Variants in CPT1A observed in about 807,000 individuals in gnomAD.
CPT1A encodes carnitine palmitoyltransferase 1A.
In CPT1A, 64 loss-of-function variants were observed where a neutral mutation model predicts 100.8. The observed-to-expected ratio is 0.63, with a 90% confidence interval of 0.52 to 0.78. The LOEUF is 0.78. Ranked by LOEUF, CPT1A falls within the 30% of genes least tolerant of loss-of-function variation. CPT1A has a pLI of 0.00. For synonymous variants in CPT1A, 363 were observed against 396.0 expected (o/e 0.92, Z 0.99); for missense variants, 802 against 1,034.1 (o/e 0.78, Z 3.08).
At chr11:68,835,537 C>CCTGT (rs1223260461) in intron 1 of CPT1A, among the ~76,000 whole-genome samples, 3 of 152,224 alleles carry the variant, frequency 2.0e-5, no homozygotes, top group African/African-American at 7.2e-5. Context: ...TTTGCTAGAG[C>CCTGT]CTGTATTTAC....
At chr11:68,793,645 T>C (rs1855680165) in intron 8 of CPT1A, among the ~76,000 whole-genome samples, 1 of 150,986 alleles carries the variant, frequency 6.6e-6, no homozygotes, top group Admixed American at 6.6e-5. Context: ...ACTTGGGAGG[T>C]TGAGGCAGGA....
intron 1 of CPT1A, among the ~76,000 whole-genome samples, chr11:68,819,006 G>A (rs999993107): frequency 1.3e-5 from 2 of 152,162 alleles, no homozygotes; most frequent in African/African-American, 4.8e-5. Context: ...GTTGAAGAGG[G>A]CATCAAAGCA....
intron 7 of CPT1A, among the ~76,000 whole-genome samples, chr11:68,795,419 G>T (rs537472884): frequency 3.3e-4 from 51 of 152,318 alleles, no homozygotes; most frequent in African/African-American, 1.1e-3. Flanking sequence ...GATGTAGAAA[G>T]TGCCTCTGTT....
chr11:68,788,072 T>C (rs1566359637), intron 9 of CPT1A, among the ~76,000 whole-genome samples: 2 of 152,040 alleles, frequency 1.3e-5, no homozygotes, highest in African/African-American at 4.8e-5. Flanking sequence ...AACACCTTGA[T>C]GTTGGAGTTC....
upstream of CPT1A, among the ~76,000 whole-genome samples, chr11:68,842,248 A>G (rs546398387): frequency 4.6e-5 from 7 of 151,958 alleles, no homozygotes; most frequent in South Asian, 4.2e-4. Flanking sequence ...GATGGTATTC[A>G]CCCCTGACTC....
chr11:68,827,240 C>T (rs1179433551), intron 1 of CPT1A, among the ~76,000 whole-genome samples: 4 of 151,980 alleles, frequency 2.6e-5, no homozygotes, highest in African/African-American at 4.8e-5. Context: ...GGCTGAAGGG[C>T]GAGGCTCACA....
At chr11:68,776,407 A>G (rs1855140385) in intron 12 of CPT1A, among the ~76,000 whole-genome samples, 1 of 152,206 alleles carries the variant, frequency 6.6e-6, no homozygotes, top group African/African-American at 2.4e-5. Flanking sequence ...TCTAGAAAAG[A>G]AAGAAAAGAA....
chr11:68,799,209 C>A lies in CPT1A; in HGVS notation c.693+9G>T. ...ATTTCATCAAGAAAAACTGTGTATA[C>A]AGACTTACGTAATTTGTAGCCCACC... On this transcript the variant is annotated intron_variant, in intron 6 of 18. Coordinates refer to ENST00000265641, the MANE Select transcript of CPT1A (RefSeq NM_001876.4). The A allele has an allele frequency of 6.2e-7, 1 of 1,612,630 alleles. No homozygotes were observed.
chr11:68,841,835 G>C lies in CPT1A; in HGVS notation c.-74C>G. 1 of 997,244 alleles carries C rather than the reference G, an allele frequency of 1.0e-6. No homozygotes were observed. Among genetic ancestry groups the C allele is most frequent in the South Asian group, 4.5e-5 (1 of 22,450 alleles). The allele number at this position is 997,244 out of a possible 1,614,324, so 61.8% of individuals were successfully genotyped here. ...AGCGGCGGCGGCGGCGGCGGCGGTG[G>C]AGTGAACGAGCGGCGAGCGGGAGCC... On this transcript the variant is annotated 5_prime_UTR_variant, in exon 1 of 19. Transcript: ENST00000265641. The surrounding 1 kb of genome is among the most constrained non-coding windows in gnomAD (Gnocchi z 6.3).
At chr11:68,808,042 C>T (rs951162181) in intron 3 of CPT1A, among the ~76,000 whole-genome samples, 4 of 152,216 alleles carry the variant, frequency 2.6e-5, no homozygotes, top group East Asian at 1.9e-4. Context: ...ACCTGGCCAC[C>T]GTGAGAGCCA....
At chr11:68,819,617 C>G (rs1199148367) in intron 1 of CPT1A, among the ~76,000 whole-genome samples, 1 of 152,316 alleles carries the variant, frequency 6.6e-6, no homozygotes, top group African/African-American at 2.4e-5. Flanking sequence ...GTATCCAACA[C>G]TTGCTCAGAA....
chr11:68,809,113 T>G (rs1856127076), intron 3 of CPT1A, among the ~76,000 whole-genome samples: 1 of 152,166 alleles, frequency 6.6e-6, no homozygotes. Context: ...TACTCTTTGC[T>G]CCAAAATGTA....
intron 4 of CPT1A, among the ~76,000 whole-genome samples, chr11:68,807,074 G>A (rs1856065819): frequency 6.6e-6 from 1 of 152,174 alleles, no homozygotes; most frequent in Non-Finnish European, 1.5e-5. Flanking sequence ...GCAAGCTGGA[G>A]GAACATTCCA....
At position 68,757,209 on chromosome 11, in the gene CPT1A, A is replaced by C; in HGVS notation, c.*435T>G. 1.3e-6 allele frequency: 1 copy of C among 771,082 alleles called. No individual in the cohort carries two copies. Among genetic ancestry groups the C allele is most frequent in the East Asian group, 8.5e-5 (1 of 11,792 alleles). 47.8% of individuals were successfully genotyped at this position (771,082 alleles called of 1,614,324 possible). On this transcript the variant is annotated 3_prime_UTR_variant, in exon 19 of 19. Coordinates refer to ENST00000265641, the MANE Select transcript of CPT1A (RefSeq NM_001876.4). The stretch of plus-strand genomic sequence containing the variant: ...TACAACTGGGGACACCAACTTGAAT[A>C]ACACATTTTTCTTTTAACAAAACAA...
intron 1 of CPT1A, among the ~76,000 whole-genome samples, chr11:68,827,343 C>T (rs1856758263): frequency 6.6e-6 from 1 of 152,128 alleles, no homozygotes; most frequent in East Asian, 1.9e-4. Flanking sequence ...AAAACATACA[C>T]ATACACAAGC....
At chr11:68,816,529 C>A (rs967756668) in intron 1 of CPT1A, among the ~76,000 whole-genome samples, 3 of 152,136 alleles carry the variant, frequency 2.0e-5, no homozygotes, top group African/African-American at 7.2e-5. Flanking sequence ...CTTCCTGTAC[C>A]CTTCATCCTG....
chr11:68,833,150 G>C (rs1856921871), intron 1 of CPT1A, among the ~76,000 whole-genome samples: 1 of 152,188 alleles, frequency 6.6e-6, no homozygotes, highest in African/African-American at 2.4e-5. Context: ...ATCTGGCCTG[G>C]CCTCCTCACT....
At chr11:68,767,747 T>A (rs969634259) in intron 14 of CPT1A, among the ~76,000 whole-genome samples, 10 of 152,160 alleles carry the variant, frequency 6.6e-5, no homozygotes, top group Non-Finnish European at 1.2e-4. Flanking sequence ...AGAAGCTGCC[T>A]TTTTCTTTTG....
chr11:68,839,459 T>G, intron 1 of CPT1A: 4 of 966,438 alleles, frequency 4.1e-6, no homozygotes, highest in Non-Finnish European at 4.9e-6. Context: ...GCTCGGATCC[T>G]GTTCCACCCG....
Sources: gnomAD v4.1 joint callset for allele counts (sites outside exome capture counted in the v4.1 genomes callset) on GRCh38, gnomAD v4.1.1 for gene constraint, Gnocchi (gnomAD v3.1) non-coding constraint, MANE v1.5 for transcripts, NCBI Gene and HGNC (gene_info 2026-07-23, HGNC 2026-07-21) for gene names.